The following C16orf46 variants were observed in gnomAD, a reference collection of about 807,000 sequenced individuals.
C16orf46 encodes the protein uncharacterized protein C16orf46.
In C16orf46, 7 loss-of-function variants were observed where a neutral mutation model predicts 5.5. The ratio of observed to expected loss-of-function variants is 1.28; its 90% confidence interval spans 0.73 to 2.40. The LOEUF is 2.40. C16orf46 is among the 30% of genes most tolerant of loss of function. The probability of loss-of-function intolerance (pLI) is 0.00; values close to 1 mark genes in which losing one functional copy is unlikely to be tolerated. For missense variants in C16orf46, 614 were observed against 476.0 expected, an observed-to-expected ratio of 1.29 and a Z score of -2.70; for synonymous variants, 200 against 184.1, an observed-to-expected ratio of 1.09 and a Z score of -0.70.
chr16:81,062,895 A>G (rs1387943085), intron 3 of C16orf46, among the ~76,000 whole-genome samples: 2 of 56,802 alleles, frequency 3.5e-5, no homozygotes, highest in African/African-American at 1.1e-4. Context: ...TTTTTTTTTT[A>G]GTTTTCTTAT....
chr16:81,067,831 A>C (rs61426389), intron 1 of C16orf46, among the ~76,000 whole-genome samples: 382 of 152,312 alleles, frequency 2.5e-3, no homozygotes, highest in African/African-American at 8.9e-3. Context: ...AAATGTATCA[A>C]TGAACAGATA....
intron 2 of C16orf46, 61 bp from the exon 3 acceptor site, chr16:81,064,054 T>C: frequency 2.3e-6 from 2 of 884,134 alleles, no homozygotes; most frequent in South Asian, 1.8e-5. Flanking sequence ...AAAAAAGCAA[T>C]GCAATACTCA....
downstream of C16orf46, among the ~76,000 whole-genome samples, chr16:81,059,694 C>T (rs1238680029): frequency 6.6e-6 from 1 of 152,026 alleles, no homozygotes; most frequent in Non-Finnish European, 1.5e-5. Context: ...CCAAAAGTGT[C>T]TGGGGTTGAG....
At chr16:81,071,427 A>C (rs1971848460) in intron 1 of C16orf46, among the ~76,000 whole-genome samples, 1 of 152,254 alleles carries the variant, frequency 6.6e-6, no homozygotes, top group African/African-American at 2.4e-5. Context: ...CACTGGTTTC[A>C]ATTAAGACAC....
intron 1 of C16orf46, chr16:81,072,094 C>G (rs1971874806): frequency 6.6e-6 from 1 of 152,250 alleles, no homozygotes; most frequent in African/African-American, 2.4e-5. Context: ...ATGGAAGAAG[C>G]CTAGATTTTG....
chr16:81,055,775 A>G (rs973679168), intron 3 of C16orf46, among the ~76,000 whole-genome samples: 1 of 151,824 alleles, frequency 6.6e-6, no homozygotes, highest in African/African-American at 2.4e-5. Flanking sequence ...GCTGGAGTGC[A>G]GTGTTGGAAT....
Position 81,061,690 on chromosome 16 carries a change from T to G in C16orf46, c.659A>C (p.Asn220Thr), listed in dbSNP as rs749487394. 6.2e-7 allele frequency: 1 copy of G among 1,614,134 alleles called. No homozygotes were observed. The highest frequency in any genetic ancestry group is 8.5e-7 in the Non-Finnish European group (1 of 1,180,026). Reference sequence around the variant, plus strand: ...CTTCTTACCCAGAACATCCAAAGCATTTGAAAGTGAAGCCTTCAGGGGAGG... The same window carrying G: ...CTTCTTACCCAGAACATCCAAAGCAGTTGAAAGTGAAGCCTTCAGGGGAGG... ...VLPPLKASLSNALDVLGKKSK... is the reference protein window; with the variant it reads ...VLPPLKASLSTALDVLGKKSK... Residue 220 changes from asparagine (N) to threonine (T), a missense_variant, in exon 4 of 4, where the codon AAT becomes ACT. Coordinates refer to ENST00000299578, the MANE Select transcript of C16orf46 (RefSeq NM_152337.3).
At position 81,062,063 on chromosome 16, in the gene C16orf46, C is replaced by G. The variant is rs114440744; in HGVS notation, c.286G>C (p.Glu96Gln). The G allele has an allele frequency of 4.7e-5, 76 of 1,612,176 alleles. No homozygotes were observed. Among genetic ancestry groups the G allele is most frequent in the Non-Finnish European group, 6.2e-5 (73 of 1,179,972 alleles). ...ACCAAGCAGTCGCTGCAGGCACCTT[C>G]CCCTACCCTCGCCTTTTTTGGTATC... ...RKIPKKARVG[E>Q]GACSDCLVCV... The change falls in exon 4 of 4, where the codon GAA becomes CAA. Residue 96 changes from glutamate to glutamine, a missense_variant. Transcript: ENST00000299578.
Position 81,063,820 on chromosome 16 carries a change from C to A in C16orf46, c.136G>T (p.Asp46Tyr), listed in dbSNP as rs146960340. The change falls in exon 3 of 4, where the codon GAT (aspartate) becomes TAT (tyrosine). Residue 46 changes from aspartate (D) to tyrosine (Y), a missense_variant. Transcript: ENST00000299578. Reference protein sequence around the residue: ...SEKNHVYCLLDVSDITLEQDE... With the variant: ...SEKNHVYCLLYVSDITLEQDE... ...TGTTCAAGCGTAATGTCACTGACATCGAGAAGACAATAAACATGATTTTTT... is the reference window on the plus strand; with the variant it reads ...TGTTCAAGCGTAATGTCACTGACATAGAGAAGACAATAAACATGATTTTTT... 1.1e-5 allele frequency: 17 copies of A among 1,613,990 alleles called. No individual in the cohort carries two copies. The highest frequency in any genetic ancestry group is 2.2e-5 in the East Asian group (1 of 44,872).
Position 81,061,495 on chromosome 16 carries a change from G to A in C16orf46, c.854C>T (p.Ala285Val), listed in dbSNP as rs139506410. The A allele has an allele frequency of 2.0e-4, 319 of 1,614,182 alleles. No individual in the cohort carries two copies. Among genetic ancestry groups the A allele is most frequent in the South Asian group, 2.4e-4 (22 of 91,080 alleles). Residue 285 changes from alanine (A) to valine (V), a missense_variant, in exon 4 of 4, where the codon GCG (alanine) becomes GTG (valine). By Grantham distance (64) the Ala-to-Val change is moderately conservative. Coordinates refer to ENST00000299578, the MANE Select transcript of C16orf46 (RefSeq NM_152337.3). ...VNDTPSSPSP[A>V]AQISLLTDPE... Reference sequence around the variant, plus strand: ...ATCGGTCAGCAGGGATATCTGGGCCGCTGGGGAAGGGGAGGATGGCGTGTC... The same window carrying A: ...ATCGGTCAGCAGGGATATCTGGGCCACTGGGGAAGGGGAGGATGGCGTGTC...
intron 1 of C16orf46, among the ~76,000 whole-genome samples, chr16:81,067,853 GT>G (rs1489737762): frequency 6.6e-6 from 1 of 152,114 alleles, no homozygotes; most frequent in Non-Finnish European, 1.5e-5. Flanking sequence ...CAAGGTTTGT[GT>G]AATTTTAAGT....
At chr16:81,060,268 G>A (rs899384059), downstream of C16orf46, 6 of 152,228 alleles carry the variant, frequency 3.9e-5, no homozygotes, top group Admixed American at 1.3e-4. Flanking sequence ...TGGACGCACA[G>A]GGTCTCCAAT....
At chr16:81,060,903 T>G, downstream of C16orf46, 1 of 1,096,212 alleles carries the variant, frequency 9.1e-7, no homozygotes, top group Non-Finnish European at 1.2e-6. Context: ...CCAATTGGCA[T>G]TTTGTGAATG....
At chr16:81,076,146 G>T (rs1442407267) in intron 1 of C16orf46, among the ~76,000 whole-genome samples, 1 of 152,176 alleles carries the variant, frequency 6.6e-6, no homozygotes, top group Non-Finnish European at 1.5e-5. Flanking sequence ...AGCCATGGCA[G>T]AAGTTAAGTT....
chr16:81,073,843 C>T (rs1971937519), intron 1 of C16orf46, among the ~76,000 whole-genome samples: 1 of 152,184 alleles, frequency 6.6e-6, no homozygotes, highest in Non-Finnish European at 1.5e-5. Flanking sequence ...AGTTCTACAA[C>T]TTCAAGAAAC....
intron 1 of C16orf46, among the ~76,000 whole-genome samples, chr16:81,067,836 C>G (rs558289944): frequency 2.4e-4 from 37 of 152,036 alleles, no homozygotes; most frequent in Non-Finnish European, 4.6e-4. Flanking sequence ...TATCAATGAA[C>G]AGATAACAAG....
intron 3 of C16orf46, chr16:81,055,379 A>G (rs537122214): frequency 3.9e-5 from 6 of 152,326 alleles, no homozygotes; most frequent in Admixed American, 2.0e-4. Flanking sequence ...TTTTCAAGCT[A>G]GCTCTCCTCA....
chr16:81,073,513 G>C (rs759823633), intron 1 of C16orf46, among the ~76,000 whole-genome samples: 1 of 152,096 alleles, frequency 6.6e-6, no homozygotes, highest in African/African-American at 2.4e-5. Flanking sequence ...GGATGAATAG[G>C]ATGAAATATA....
At chr16:81,075,107 G>A (rs145147739) in intron 1 of C16orf46, among the ~76,000 whole-genome samples, 2 of 152,274 alleles carry the variant, frequency 1.3e-5, no homozygotes, top group Non-Finnish European at 2.9e-5. Flanking sequence ...TCAACTAGCT[G>A]CAAATTCACC....
Sources: allele counts gnomAD v4.1 joint callset (sites outside exome capture counted in the v4.1 genomes callset), GRCh38; gene constraint gnomAD v4.1.1; transcripts MANE v1.5; gene names NCBI Gene and HGNC (gene_info 2026-07-23, HGNC 2026-07-21).